The following MDC1 variants were observed in gnomAD, a reference collection of about 807,000 sequenced individuals.
MDC1 encodes the protein mediator of DNA damage checkpoint 1.
Under a neutral mutation model 142.5 loss-of-function variants are expected in MDC1, and 81 were observed. That is an observed-to-expected ratio of 0.57 (90% CI 0.47 to 0.68). The LOEUF is 0.68. MDC1 is among the 30% of genes least tolerant of loss of function. The pLI is 0.00. For missense variants in MDC1, 2,119 were observed against 2,547.9 expected, an observed-to-expected ratio of 0.83 and a Z score of 3.62; for synonymous variants, 797 against 968.4, an observed-to-expected ratio of 0.82 and a Z score of 3.29.
At chr6:30,702,944 TTA>T in intron 12 of MDC1, 67 bp from the exon 13 acceptor site, 1 of 1,606,616 alleles carries the variant, frequency 6.2e-7, no homozygotes, top group Admixed American at 1.7e-5. Context: ...TGCCTAGCAT[TTA>T]GAGAGAGCTC....
chr6:30,714,647 A>C (rs567459010), intron 2 of MDC1, among the ~76,000 whole-genome samples: 35 of 151,948 alleles, frequency 2.3e-4, no homozygotes, highest in African/African-American at 6.0e-4. Flanking sequence ...AGTAGGTGGG[A>C]CTGCAGATGT....
chr6:30,701,339 T>G (rs1321746827), intron 14 of MDC1, among the ~76,000 whole-genome samples: 1 of 151,868 alleles, frequency 6.6e-6, no homozygotes, highest in African/African-American at 2.4e-5. Flanking sequence ...AGATGGAGGT[T>G]GCAGTGAGCC....
At position 30,707,606 on chromosome 6, in the gene MDC1, A is replaced by C. The variant is rs1048085621; in HGVS notation, c.2973T>G (p.Gly991=). Residue 991 remains glycine (G), a synonymous_variant, in exon 8 of 15, where the codon GGT becomes GGG. Coordinates refer to ENST00000376406, the MANE Select transcript of MDC1 (RefSeq NM_014641.3). ...TGGGGCTCACTGGGGATCCCCTTCC[A>C]CCTGACTGGCTCCCAGAAGGTACGG... ...SAPVPSGSQS[G]GRGSPVSPRR... The C allele has an allele frequency of 6.2e-7, 1 of 1,612,492 alleles. No homozygotes were observed. Among genetic ancestry groups the C allele is most frequent in the African/African-American group, 1.3e-5 (1 of 74,858 alleles).
At position 30,715,716 on chromosome 6, in the gene MDC1, AATG is replaced by A. The variant is rs1401728242; in HGVS notation, c.-3-541_-3-539del. On this transcript the variant is annotated intron_variant, in intron 1 of 14. Coordinates refer to ENST00000376406, the MANE Select transcript of MDC1 (RefSeq NM_014641.3). This position sits in a 1 kb window ranked among gnomAD's most constrained non-coding sequence, Gnocchi z 4.1. ...AGTTTGATCAGATGCAACTGCAAAA[AATG>A]ATAATAAAAGATGACATATATAGAA... Among the ~76,000 whole-genome samples, 22 of 152,182 alleles carry A rather than the reference AATG, an allele frequency of 1.4e-4. No individual in the cohort carries two copies. Among genetic ancestry groups the A allele is most frequent in the Non-Finnish European group, 2.9e-5 (2 of 68,032 alleles).
At position 30,713,090 on chromosome 6, in the gene MDC1, T is replaced by C. The variant is rs1348842158; in HGVS notation, c.852A>G (p.Pro284=). ...VKRGAGNGVV[P]AGVILERSQP... is the part of the protein sequence containing the mutation. ...GGCTCCTCTCCAGAATCACCCCAGC[T>C]GGAACCACCCCATTCCCTGCACCCC... The change falls in exon 5 of 15, where the codon CCA becomes CCG. Residue 284 remains proline (P), a synonymous_variant. Transcript: ENST00000376406. The surrounding 1 kb of genome is among the most constrained non-coding windows in gnomAD (Gnocchi z 4.9). 1 of 1,613,148 alleles carries C rather than the reference T, an allele frequency of 6.2e-7. No homozygotes were observed. The highest frequency in any genetic ancestry group is 1.1e-5 in the South Asian group (1 of 91,088).
Position 30,702,553 on chromosome 6 carries a change from C to A in MDC1, c.6102G>T (p.Lys2034Asn). The A allele has an allele frequency of 6.4e-7, 1 of 1,569,574 alleles. No individual in the cohort carries two copies. The highest frequency in any genetic ancestry group is 1.2e-5 in the South Asian group (1 of 82,534). ...CAGACCCAGAACATCCTAAGCATAC[C>A]TTATAGGACCGAGGCATGCTGGGTA... ...TYLPSMPRSY[K>N]PQRVVITCPQ... Residue 2034 changes from lysine to asparagine, a missense_variant and splice_region_variant, in exon 14 of 15, where the codon AAG (lysine) becomes AAT (asparagine). Transcript: ENST00000376406.
chr6:30,700,790 C>T (rs1244190115), intron 14 of MDC1, among the ~76,000 whole-genome samples, 158 bp from the exon 15 acceptor site: 2 of 151,208 alleles, frequency 1.3e-5, no homozygotes, highest in Non-Finnish European at 2.9e-5. Flanking sequence ...CTTGCTAGGC[C>T]GGGCGCAGTG....
rs1772988789 is a variant in MDC1, at chr6:30,702,766, G to A, written c.5977C>T (p.Arg1993Ter). 6 of 1,612,938 alleles carry A rather than the reference G, an allele frequency of 3.7e-6. No homozygotes were observed. The highest frequency in any genetic ancestry group is 4.5e-5 in the East Asian group (2 of 44,890). The change falls in exon 13 of 15, where the codon CGA (arginine) becomes TGA (stop). Residue 1993 changes from arginine (R) to a stop codon, truncating the protein, a stop_gained. Transcript: ENST00000376406. LOFTEE classifies it high-confidence loss of function. ...LQDALSRARE[R>*]RLLEGYEIYV... ...TAGCCTCTCACCTCTAGCAGCCTTC[G>A]CTCCCGAGCCCTGCTCAGTGCGTCT...
chr6:30,712,593 T>A lies in MDC1; in HGVS notation c.1349A>T (p.Glu450Val). ...CTCCACGTCTGTGTCACTGTCTCTC[T>A]CAGTGGTGGTTTGGCTTCGCTGCAG... is the stretch of plus-strand genomic sequence containing the variant. ...VLLQRSQTTT[E>V]RDSDTDVEEE... Residue 450 changes from glutamate to valine, a missense_variant, in exon 5 of 15, where the codon GAG becomes GTG. Coordinates refer to ENST00000376406, the MANE Select transcript of MDC1 (RefSeq NM_014641.3). The surrounding 1 kb of genome is among the most constrained non-coding windows in gnomAD (Gnocchi z 4.7). 6.2e-7 allele frequency: 1 copy of A among 1,612,996 alleles called. No individual in the cohort carries two copies. Among genetic ancestry groups the A allele is most frequent in the South Asian group, 1.1e-5 (1 of 91,076 alleles).
In MDC1 at chr6:30,715,008, T is replaced by C; in HGVS notation, c.136+32A>G. On this transcript the variant is annotated intron_variant, in intron 2 of 14. Transcript: ENST00000376406. This position sits in a 1 kb window ranked among gnomAD's most constrained non-coding sequence, Gnocchi z 4.1. The stretch of plus-strand genomic sequence containing the variant: ...CCTTACCACAAAAATAAAAGATCTA[T>C]ATCAATACTTGAACATCCAATACCC... 6.2e-7 allele frequency: 1 copy of C among 1,611,338 alleles called. No individual in the cohort carries two copies. The highest frequency in any genetic ancestry group is 8.5e-7 in the Non-Finnish European group (1 of 1,177,634).
Position 30,713,397 on chromosome 6 carries a change from G to A in MDC1, c.588-43C>T, listed in dbSNP as rs749386409. 2 of 1,506,032 alleles carry A rather than the reference G, an allele frequency of 1.3e-6. No individual in the cohort carries two copies. The highest frequency in any genetic ancestry group is 1.8e-6 in the Non-Finnish European group (2 of 1,131,662). The allele number at this position is 1,506,032 out of a possible 1,614,324, so 93.3% of individuals were successfully genotyped here. A position where few individuals can be genotyped will look rare whatever the true frequency, so the allele number is the denominator to read the frequency against. ...GAGAGTCTATAGAATTTATTTCCCT[G>A]GAAGGGATACCCCAACTCAACTGTG... On this transcript the variant is annotated intron_variant, in intron 4 of 14. Transcript: ENST00000376406. This position sits in a 1 kb window ranked among gnomAD's most constrained non-coding sequence, Gnocchi z 4.9.
In MDC1 at chr6:30,700,612, T is replaced by C. The variant is rs1772460757; in HGVS notation, c.6123A>G (p.Thr2041=). The C allele has an allele frequency of 1.2e-6, 2 of 1,612,910 alleles. No individual in the cohort carries two copies. The highest frequency in any genetic ancestry group is 1.7e-6 in the Non-Finnish European group (2 of 1,179,960). ...AGCAATGAGGGAAGTCCTGAGGGCA[T>C]GTGATCACAACTCTCTGAGGCTGGG... ...RSYKPQRVVI[T]CPQDFPHCSI... The change falls in exon 15 of 15, where the codon ACA becomes ACG. Residue 2041 remains threonine (T), a synonymous_variant. Transcript: ENST00000376406.
rs747316218 is a variant in MDC1 at position 30,705,014 on chromosome 6, C to A, written c.4169G>T (p.Arg1390Leu). 3 of 1,559,396 alleles carry A rather than the reference C, an allele frequency of 1.9e-6. No homozygotes were observed. Among genetic ancestry groups the A allele is most frequent in the East Asian group, 2.4e-5 (1 of 41,656 alleles). ...TCTATTTTTTCTTCCCCTAGTAGCC[C>A]GAGATGTGGGCTCAGGGGTGACAGG... is the stretch of plus-strand genomic sequence containing the variant. ...EQPVTPEPTS[R>L]ATRGRKNRSS... The change falls in exon 10 of 15, where the codon CGG (arginine) becomes CTG (leucine). Residue 1390 changes from arginine to leucine, a missense_variant. Transcript: ENST00000376406.
chr6:30,711,770 C>T (rs777060609), intron 5 of MDC1, 44 bp from the exon 6 acceptor site: 47 of 1,594,738 alleles, frequency 2.9e-5, no homozygotes. Context: ...AAAAATCATA[C>T]CTGACACTAA....
intron 14 of MDC1, among the ~76,000 whole-genome samples, chr6:30,701,811 T>C (rs1772740895): frequency 6.6e-6 from 1 of 151,924 alleles, no homozygotes; most frequent in Non-Finnish European, 1.5e-5. Context: ...GATTATGAAA[T>C]AAAATGTACG....
rs369525538 is a variant in MDC1, at chr6:30,713,389, A to G, written c.588-35T>C. The G allele has an allele frequency of 7.9e-6, 12 of 1,519,152 alleles. No homozygotes were observed. The African/African-American group carries it at 8.4e-5, about 11-fold the overall frequency. 94.1% of individuals were successfully genotyped at this position (1,519,152 alleles called of 1,614,324 possible). A position where few individuals can be genotyped will look rare whatever the true frequency, so the allele number is the denominator to read the frequency against. On this transcript the variant is annotated intron_variant, in intron 4 of 14. Coordinates refer to ENST00000376406, the MANE Select transcript of MDC1 (RefSeq NM_014641.3). This position sits in a 1 kb window ranked among gnomAD's most constrained non-coding sequence, Gnocchi z 4.9. ...GAAGAAAAGAGAGTCTATAGAATTT[A>G]TTTCCCTGGAAGGGATACCCCAACT...
chr6:30,703,832 T>C lies in MDC1; in HGVS notation c.5351A>G (p.His1784Arg), dbSNP rs747555917. 3.8e-5 allele frequency: 61 copies of C among 1,611,342 alleles called. No homozygotes were observed. The highest frequency in any genetic ancestry group is 4.7e-5 in the Non-Finnish European group (55 of 1,178,818). Reference protein sequence around the residue: ...ASPQLLETPIHASQIQKVEPA... With the variant: ...ASPQLLETPIRASQIQKVEPA... The stretch of plus-strand genomic sequence containing the variant: ...TTCCACCTTTTGGATCTGGGAGGCA[T>C]GAATTGGTGTCTCAAGAAGCTGGGG... Residue 1784 changes from histidine (H) to arginine (R), a missense_variant, in exon 10 of 15, where the codon CAT (histidine) becomes CGT (arginine). His to Arg is a conservative substitution (Grantham distance 29). Transcript: ENST00000376406. This position sits in a 1 kb window ranked among gnomAD's most constrained non-coding sequence, Gnocchi z 4.4.
chr6:30,703,419 T>C lies in MDC1; in HGVS notation c.5681A>G (p.Lys1894Arg), dbSNP rs1326903932. 1 of 1,613,766 alleles carries C rather than the reference T, an allele frequency of 6.2e-7. No individual in the cohort carries two copies. Among genetic ancestry groups the C allele is most frequent in the Non-Finnish European group, 8.5e-7 (1 of 1,180,022 alleles). The change falls in exon 11 of 15, where the codon AAA (lysine) becomes AGA (arginine). Residue 1894 changes from lysine (K) to arginine (R), a missense_variant and splice_region_variant. Transcript: ENST00000376406. The surrounding 1 kb of genome is among the most constrained non-coding windows in gnomAD (Gnocchi z 4.4). The stretch of plus-strand genomic sequence containing the variant: ...AAGTCCCATGCCTTTGTCTCTTACT[T>C]TGGGGGCTGTTGATTCTTGGTTAAG... ...TKLNQESTAP[K>R]VLFTGVVDAR...
At chr6:30,710,116 T>C (rs979329107) in intron 7 of MDC1, among the ~76,000 whole-genome samples, 1 of 151,980 alleles carries the variant, frequency 6.6e-6, no homozygotes, top group African/African-American at 2.4e-5. Flanking sequence ...AGAGATGAAG[T>C]CTCACTCTGT....
Sources: gnomAD v4.1 joint callset for allele counts (sites outside exome capture counted in the v4.1 genomes callset) on GRCh38, gnomAD v4.1.1 for gene constraint, Gnocchi (gnomAD v3.1) non-coding constraint, MANE v1.5 for transcripts, NCBI Gene and HGNC (gene_info 2026-07-23, HGNC 2026-07-21) for gene names.